BCL2: variants seen among roughly 807,000 people sequenced by gnomAD.
BCL2 encodes BCL2 apoptosis regulator, also known as apoptosis regulator Bcl-2.
BCL2 carries 1 observed loss-of-function variant against 14.2 expected under a neutral mutation model. The ratio of observed to expected loss-of-function variants is 0.07; its 90% CI spans 0.02 to 0.33. The LOEUF is 0.33. BCL2 is among the 10% of genes least tolerant of loss of function. BCL2 has a pLI of 0.99. For missense variants in BCL2, 247 were observed against 305.9 expected (o/e 0.81, Z 1.44); for synonymous variants, 151 against 137.2 (o/e 1.10, Z -0.70).
At chr18:63,231,494 G>T (rs904300148) in intron 2 of BCL2, among the ~76,000 whole-genome samples, 1 of 151,972 alleles carries the variant, frequency 6.6e-6, no homozygotes, top group African/African-American at 2.4e-5. Flanking sequence ...AAATAAGAGG[G>T]TTTGGCAGGG....
At chr18:63,193,739 C>A (rs1909360757) in intron 2 of BCL2, among the ~76,000 whole-genome samples, 1 of 151,754 alleles carries the variant, frequency 6.6e-6, no homozygotes, top group Non-Finnish European at 1.5e-5. Context: ...TATTAGTGGA[C>A]AAAAATGTGC....
At chr18:63,289,535 T>A (rs1912583098) in intron 2 of BCL2, among the ~76,000 whole-genome samples, 2 of 151,692 alleles carry the variant, frequency 1.3e-5, no homozygotes, top group Admixed American at 6.6e-5. Flanking sequence ...TAGGTTGCAG[T>A]GAAAGATGGA....
At chr18:63,282,798 T>C (rs1192425377) in intron 2 of BCL2, among the ~76,000 whole-genome samples, 6 of 152,178 alleles carry the variant, frequency 3.9e-5, no homozygotes, top group Admixed American at 6.5e-5. Context: ...TAGATATATA[T>C]ATCATAATAG....
intron 2 of BCL2, among the ~76,000 whole-genome samples, chr18:63,198,209 G>A (rs915868548): frequency 6.9e-6 from 1 of 145,596 alleles, no homozygotes; most frequent in African/African-American, 2.5e-5. Context: ...GACACACACA[G>A]ACACACACAA....
intron 2 of BCL2, among the ~76,000 whole-genome samples, chr18:63,220,612 C>A (rs1401695267): frequency 6.6e-6 from 1 of 152,158 alleles, no homozygotes; most frequent in Non-Finnish European, 1.5e-5. Context: ...ATGGTTTCTG[C>A]AAGCTAGCAC....
At position 63,279,144 on chromosome 18, in the gene BCL2, T is replaced by C. The variant is rs1043102867; in HGVS notation, c.585+38938A>G. Among the ~76,000 whole-genome samples, 12 of 152,158 alleles carry C rather than the reference T, an allele frequency of 7.9e-5. 1 individual carries two copies. The highest frequency in any genetic ancestry group is 2.7e-4 in the African/African-American group (11 of 41,440). On this transcript the variant is annotated intron_variant, in intron 2 of 2. Coordinates refer to ENST00000333681, the MANE Select transcript of BCL2 (RefSeq NM_000633.3). ...CATGACTTTGGGATAGGCAACATTG[T>C]CAAACAAGACACAACAAGTGCCAAC...
intron 2 of BCL2, among the ~76,000 whole-genome samples, chr18:63,309,421 T>C (rs1913238255): frequency 6.6e-6 from 1 of 152,202 alleles, no homozygotes; most frequent in South Asian, 2.1e-4. Context: ...GTAACTGTTG[T>C]TATCTTTCCT....
intron 2 of BCL2, among the ~76,000 whole-genome samples, chr18:63,232,127 T>C (rs1599259348): frequency 6.6e-6 from 1 of 151,228 alleles, no homozygotes; most frequent in Non-Finnish European, 1.5e-5. Context: ...AGAAAAAAAA[T>C]AGATCACTAA....
chr18:63,193,335 C>T (rs975858344), intron 2 of BCL2, among the ~76,000 whole-genome samples: 4 of 151,880 alleles, frequency 2.6e-5, no homozygotes, highest in Admixed American at 1.3e-4. Context: ...GTTAAGAACT[C>T]TTAACATGAG....
intron 2 of BCL2, among the ~76,000 whole-genome samples, chr18:63,274,750 C>A (rs1912106511): frequency 6.6e-6 from 1 of 152,180 alleles, no homozygotes; most frequent in African/African-American, 2.4e-5. Flanking sequence ...GGTGTGGAGT[C>A]TGCAGGGATT....
intron 2 of BCL2, among the ~76,000 whole-genome samples, chr18:63,145,929 A>G (rs1196218390): frequency 6.6e-6 from 1 of 152,120 alleles, no homozygotes; most frequent in Non-Finnish European, 1.5e-5. Context: ...GGGAGACAAA[A>G]AATGGCTGGA....
At chr18:63,218,742 T>C (rs113355863) in intron 2 of BCL2, among the ~76,000 whole-genome samples, 50 of 810 alleles carry the variant, frequency 0.062, 1 homozygote, top group African/African-American at 0.074. Flanking sequence ...TCCACTCATC[T>C]CCATCCTCCA....
chr18:63,198,782 CAG>C (rs1568231485), intron 2 of BCL2, among the ~76,000 whole-genome samples: 2 of 86,652 alleles, frequency 2.3e-5, no homozygotes, highest in Non-Finnish European at 5.0e-5. Flanking sequence ...CACACAGACA[CAG>C]AGACACAGAC....
intron 2 of BCL2, among the ~76,000 whole-genome samples, chr18:63,241,034 T>C (rs1910987273): frequency 2.0e-5 from 3 of 152,224 alleles, no homozygotes; most frequent in Admixed American, 2.0e-4. Context: ...GTCTCTATCA[T>C]AATTACTCAA....
intron 2 of BCL2, among the ~76,000 whole-genome samples, chr18:63,279,958 T>C (rs1189919233): frequency 6.6e-6 from 1 of 152,268 alleles, no homozygotes; most frequent in Non-Finnish European, 1.5e-5. Flanking sequence ...TGGTGGAAGA[T>C]ACAGGGCTAT....
At chr18:63,162,420 G>A (rs1914942924) in intron 2 of BCL2, among the ~76,000 whole-genome samples, 1 of 152,068 alleles carries the variant, frequency 6.6e-6, no homozygotes, top group African/African-American at 2.4e-5. Context: ...GTTTGTCTTG[G>A]GAACTCACAT....
At chr18:63,252,960 T>A (rs546717078) in intron 2 of BCL2, among the ~76,000 whole-genome samples, 10 of 152,196 alleles carry the variant, frequency 6.6e-5, no homozygotes, top group Admixed American at 2.6e-4. Flanking sequence ...GTTCCTAACA[T>A]CTGCTATTTC....
intron 2 of BCL2, among the ~76,000 whole-genome samples, chr18:63,260,726 T>A (rs772084188): frequency 1.5e-4 from 23 of 150,146 alleles, no homozygotes; most frequent in Non-Finnish European, 3.3e-4. Flanking sequence ...GTGGCCCATG[T>A]CTTCTCCTAT....
intron 2 of BCL2, among the ~76,000 whole-genome samples, chr18:63,228,609 C>A (rs1283805029): frequency 1.3e-5 from 2 of 152,138 alleles, no homozygotes; most frequent in Admixed American, 6.5e-5. Context: ...GTGTTTAGGA[C>A]ATTCCTTAAA....
Sources: allele counts gnomAD v4.1 joint callset (sites outside exome capture counted in the v4.1 genomes callset), GRCh38; gene constraint gnomAD v4.1.1; transcripts MANE v1.5; gene names NCBI Gene and HGNC (gene_info 2026-07-23, HGNC 2026-07-21).